The following ANKS1B variants were observed in gnomAD, a reference collection of about 807,000 sequenced individuals.
ANKS1B encodes the protein ankyrin repeat and sterile alpha motif domain-containing protein 1B.
Under a neutral mutation model 148.3 loss-of-function variants are expected in ANKS1B, and 36 were observed. The observed-to-expected ratio is 0.24, with a 90% CI of 0.19 to 0.32. ANKS1B has a LOEUF of 0.32. Among genes scored for constraint, ANKS1B ranks in the 10% least tolerant of loss-of-function variants. ANKS1B has a pLI of 1.00. For missense variants in ANKS1B, 1,157 were observed against 1,542.6 expected (o/e 0.75, Z 4.19); for synonymous variants, 542 against 560.8 (o/e 0.97, Z 0.47).
intron 16 of ANKS1B, among the ~76,000 whole-genome samples, chr12:99,078,331 T>C (rs1282270407): frequency 6.6e-6 from 1 of 152,254 alleles, no homozygotes; most frequent in African/African-American, 2.4e-5. Flanking sequence ...TTTTCAGTAA[T>C]GAGGCAACAA....
intron 17 of ANKS1B, among the ~76,000 whole-genome samples, chr12:98,858,899 G>T (rs370408518): frequency 6.6e-6 from 1 of 152,234 alleles, no homozygotes. Context: ...TTTGTTCTCT[G>T]TAAAATGAGA....
At position 99,862,307 on chromosome 12, in the gene ANKS1B, C is replaced by A. The variant is rs540298024; in HGVS notation, c.135-36918G>T. Reference sequence around the variant, plus strand: ...TTGAAAAAAATAAAAAAGCATAGAGCAAATTTCAGAGTGGAAAAACATCAA... The same window carrying A: ...TTGAAAAAAATAAAAAAGCATAGAGAAAATTTCAGAGTGGAAAAACATCAA... On this transcript the variant is annotated intron_variant, in intron 1 of 26. Transcript: ENST00000683438. Among the ~76,000 whole-genome samples the A allele has an allele frequency of 1.1e-4, 17 of 152,074 alleles. No individual in the cohort carries two copies. In the East Asian group the frequency reaches 1.7e-3, roughly 16 times the overall value.
chr12:99,096,430 C>T (rs967255583), intron 15 of ANKS1B, among the ~76,000 whole-genome samples: 6 of 151,898 alleles, frequency 4.0e-5, no homozygotes, highest in Non-Finnish European at 8.8e-5. Context: ...GTTTAAAATT[C>T]GGTGATGGGA....
intron 9 of ANKS1B, among the ~76,000 whole-genome samples, chr12:99,531,125 T>G (rs1346738919): frequency 2.0e-5 from 3 of 152,194 alleles, no homozygotes; most frequent in Non-Finnish European, 4.4e-5. Context: ...GTGGCTACAC[T>G]TGACTACATA....
intron 15 of ANKS1B, among the ~76,000 whole-genome samples, chr12:99,153,242 A>T (rs2075395546): frequency 6.6e-6 from 1 of 152,190 alleles, no homozygotes; most frequent in Non-Finnish European, 1.5e-5. Flanking sequence ...GATAGAAATT[A>T]AAAAATCTAA....
At chr12:99,459,628 G>T (rs1242850635) in intron 10 of ANKS1B, among the ~76,000 whole-genome samples, 1 of 151,116 alleles carries the variant, frequency 6.6e-6, no homozygotes, top group Non-Finnish European at 1.5e-5. Flanking sequence ...TTCAAGCTGA[G>T]AATCAAATCA....
At chr12:98,976,138 T>A (rs1467548085) in intron 17 of ANKS1B, among the ~76,000 whole-genome samples, 1 of 152,202 alleles carries the variant, frequency 6.6e-6, no homozygotes, top group African/African-American at 2.4e-5. Flanking sequence ...CTGAGATTCA[T>A]CTCGTGTTAA....
intron 14 of ANKS1B, among the ~76,000 whole-genome samples, chr12:99,185,545 C>G (rs531739110): frequency 2.0e-5 from 3 of 152,086 alleles, no homozygotes. Context: ...CTGAGGTACC[C>G]GGTTTGTCTC....
chr12:99,183,846 G>T (rs946492455), intron 14 of ANKS1B, among the ~76,000 whole-genome samples: 1 of 152,082 alleles, frequency 6.6e-6, no homozygotes, highest in Non-Finnish European at 1.5e-5. Flanking sequence ...ACTTTTTTCT[G>T]TCAGAGCACC....
intron 11 of ANKS1B, among the ~76,000 whole-genome samples, chr12:99,426,657 A>T (rs1051742013): frequency 4.6e-5 from 7 of 152,132 alleles, no homozygotes; most frequent in African/African-American, 1.7e-4. Flanking sequence ...TTTCCAGAAA[A>T]TTTTTCCATC....
chr12:99,195,571 T>G (rs1487025561), intron 14 of ANKS1B, among the ~76,000 whole-genome samples: 3 of 152,070 alleles, frequency 2.0e-5, no homozygotes, highest in Non-Finnish European at 4.4e-5. Context: ...GAAAGTAGAA[T>G]GTAGGGCAAA....
intron 1 of ANKS1B, among the ~76,000 whole-genome samples, chr12:99,900,101 G>T (rs566009743): frequency 2.6e-4 from 39 of 152,068 alleles, no homozygotes; most frequent in African/African-American, 9.4e-4. Context: ...GTTGCACCAT[G>T]TTGACCAGGC....
intron 22 of ANKS1B, among the ~76,000 whole-genome samples, chr12:98,785,025 G>A (rs187232819): frequency 1.1e-4 from 16 of 152,156 alleles, no homozygotes; most frequent in African/African-American, 3.9e-4. Context: ...AAATCTTCTG[G>A]GTAGAGCCCC....
At chr12:99,055,109 A>G (rs1301995113) in intron 16 of ANKS1B, among the ~76,000 whole-genome samples, 1 of 152,226 alleles carries the variant, frequency 6.6e-6, no homozygotes, top group African/African-American at 2.4e-5. Flanking sequence ...GCTAGGACCC[A>G]AAAGGGAGGC....
At chr12:99,079,295 AC>A (rs2048873233) in intron 16 of ANKS1B, among the ~76,000 whole-genome samples, 1 of 152,226 alleles carries the variant, frequency 6.6e-6, no homozygotes, top group South Asian at 2.1e-4. Flanking sequence ...TATTGGAATA[AC>A]AGCAAAAATT....
At chr12:99,706,944 G>T (rs1054847085) in intron 8 of ANKS1B, among the ~76,000 whole-genome samples, 2 of 152,040 alleles carry the variant, frequency 1.3e-5, no homozygotes, top group African/African-American at 4.8e-5. Context: ...CACAGACGAG[G>T]TCCCATTCCT....
At chr12:99,678,016 C>T (rs1386319275) in intron 8 of ANKS1B, among the ~76,000 whole-genome samples, 1 of 152,100 alleles carries the variant, frequency 6.6e-6, no homozygotes, top group Non-Finnish European at 1.5e-5. Context: ...ACTAAAACAA[C>T]TCTGTCTTGG....
At position 99,898,247 on chromosome 12, in the gene ANKS1B, C is replaced by T. The variant is rs76541481; in HGVS notation, c.135-72858G>A. On this transcript the variant is annotated intron_variant, in intron 1 of 26. Coordinates refer to ENST00000683438, the MANE Select transcript of ANKS1B (RefSeq NM_001352186.2). ...TCTTAATTTTATATACATGATCTCA[C>T]CACAAAGCCCTCAATATTACTCAAA... is the stretch of plus-strand genomic sequence containing the variant. Among the ~76,000 whole-genome samples, 251 of 152,238 alleles carry T rather than the reference C, an allele frequency of 1.6e-3. 8 individuals are homozygous for T. In the East Asian group the frequency reaches 0.04, roughly 24 times the overall value.
At chr12:99,121,318 G>GGGGTGGGTGTGTGTGT (rs796549235) in intron 15 of ANKS1B, among the ~76,000 whole-genome samples, 1 of 105,926 alleles carries the variant, frequency 9.4e-6, no homozygotes, top group Non-Finnish European at 1.9e-5. Context: ...TGTGTATGTA[G>GGGGTGGGTGTGTGTGT]GTATGTGTGT....
Sources: gnomAD v4.1 joint callset for allele counts (sites outside exome capture counted in the v4.1 genomes callset) on GRCh38, gnomAD v4.1.1 for gene constraint, MANE v1.5 for transcripts, NCBI Gene and HGNC (gene_info 2026-07-23, HGNC 2026-07-21) for gene names.